The following HIBCH variants were observed in gnomAD, a reference collection of about 807,000 sequenced individuals.
HIBCH encodes 3-hydroxyisobutyryl-CoA hydrolase, mitochondrial.
In HIBCH, 50 loss-of-function variants were observed where a neutral mutation model predicts 58.2. The observed-to-expected ratio is 0.86, with a 90% CI of 0.68 to 1.09. The LOEUF (loss-of-function observed/expected upper bound fraction) is 1.09, where lower values mean the gene tolerates loss of function less well. Among genes scored for constraint, HIBCH ranks in the 50% least tolerant of loss-of-function variants. HIBCH has a pLI of 0.00. For missense variants in HIBCH, 450 were observed against 449.7 expected, an observed-to-expected ratio of 1.00 and a Z score of -0.01; for synonymous variants, 151 against 146.9, an observed-to-expected ratio of 1.03 and a Z score of -0.20.
At chr2:190,272,831 AT>A (rs1687438647) in intron 6 of HIBCH, among the ~76,000 whole-genome samples, 1 of 152,138 alleles carries the variant, frequency 6.6e-6, no homozygotes, top group African/African-American at 2.4e-5. Context: ...CAACTTAGAT[AT>A]CCCTGGGCTA....
At chr2:190,275,036 G>C (rs1229188291) in intron 6 of HIBCH, among the ~76,000 whole-genome samples, 1 of 152,102 alleles carries the variant, frequency 6.6e-6, no homozygotes, top group Non-Finnish European at 1.5e-5. Context: ...ATTTAGGGTG[G>C]CATATTGTGG....
chr2:190,191,345 AT>A (rs1689701332), intron 1 of HIBCH, among the ~76,000 whole-genome samples: 1 of 152,094 alleles, frequency 6.6e-6, no homozygotes, highest in Admixed American at 6.6e-5. Context: ...GAGTTTCACC[AT>A]GTTGGCCAGG....
chr2:190,273,073 T>G (rs566089374), intron 6 of HIBCH, among the ~76,000 whole-genome samples: 2 of 152,094 alleles, frequency 1.3e-5, no homozygotes, highest in African/African-American at 4.8e-5. Flanking sequence ...ACCCTGAAAT[T>G]TTACTATAAG....
At chr2:190,205,318 T>C (rs1056216011) in intron 13 of HIBCH, 86 bp from the exon 14 acceptor site, 12 of 754,212 alleles carry the variant, frequency 1.6e-5, no homozygotes, top group Admixed American at 1.2e-4. Flanking sequence ...GAAATTCTTA[T>C]ACTAGGCACA....
chr2:190,191,879 T>G (rs1689726367), intron 1 of HIBCH, among the ~76,000 whole-genome samples: 1 of 152,196 alleles, frequency 6.6e-6, no homozygotes, highest in Non-Finnish European at 1.5e-5. Context: ...GGCTAGATGA[T>G]GACTTGCAAA....
At chr2:190,273,704 TAAAA>T (rs34435266) in intron 6 of HIBCH, among the ~76,000 whole-genome samples, 10 of 151,566 alleles carry the variant, frequency 6.6e-5, no homozygotes, top group African/African-American at 1.5e-4. Context: ...CCAGTTTTTT[TAAAA>T]AAAAAAGAGA....
chr2:190,296,677 C>T, intron 3 of HIBCH, 136 bp downstream of exon 3: 1 of 817,206 alleles, frequency 1.2e-6, no homozygotes, highest in Non-Finnish European at 2.0e-6. Context: ...AGCACTGAAA[C>T]CTCAAGAATT....
chr2:190,244,171 G>A (rs75156123), intron 11 of HIBCH, among the ~76,000 whole-genome samples: 50 of 151,448 alleles, frequency 3.3e-4, no homozygotes, highest in Non-Finnish European at 5.9e-4. Flanking sequence ...ATATATATAC[G>A]AAAAATGCTA....
chr2:190,259,361 G>GTGTGTT (rs1044577129), intron 7 of HIBCH, among the ~76,000 whole-genome samples: 1 of 142,342 alleles, frequency 7.0e-6, no homozygotes, highest in Non-Finnish European at 1.5e-5. Flanking sequence ...GTGTGTGTGT[G>GTGTGTT]TGTGTGTCTG....
downstream of HIBCH, chr2:190,200,669 A>C (rs1690206618): frequency 5.9e-6 from 1 of 169,190 alleles, no homozygotes; most frequent in Admixed American, 6.3e-5. Flanking sequence ...GTCTTTAATA[A>C]GATAAGATAT....
In HIBCH at chr2:190,214,457, G is replaced by A. The variant is rs973806085; in HGVS notation, c.892-1382C>T. The A allele has an allele frequency of 6.6e-6, 1 of 152,170 alleles. No homozygotes were observed. The highest frequency in any genetic ancestry group is 1.5e-5 in the Non-Finnish European group (1 of 68,030). 9.4% of individuals were successfully genotyped at this position (152,170 alleles called of 1,614,324 possible). Reference sequence around the variant, plus strand: ...CAGATAGTCCCTTGGGGAGAATGTTGCAGGTTTGAATGGATAATCCCCAAA... The same window carrying A: ...CAGATAGTCCCTTGGGGAGAATGTTACAGGTTTGAATGGATAATCCCCAAA... On this transcript the variant is annotated intron_variant, in intron 11 of 13. Coordinates refer to ENST00000359678, the MANE Select transcript of HIBCH (RefSeq NM_014362.4). This position sits in a 1 kb window ranked among gnomAD's most constrained non-coding sequence, Gnocchi z 5.5.
At chr2:190,245,939 G>A (rs1050061103) in intron 10 of HIBCH, among the ~76,000 whole-genome samples, 4 of 148,124 alleles carry the variant, frequency 2.7e-5, no homozygotes, top group African/African-American at 1.0e-4. Context: ...GCAGTGAGCT[G>A]AGATTGCACC....
At chr2:190,272,591 A>T (rs1340434930) in intron 6 of HIBCH, among the ~76,000 whole-genome samples, 2 of 152,234 alleles carry the variant, frequency 1.3e-5, no homozygotes, top group South Asian at 4.2e-4. Flanking sequence ...GGGTGGTTTC[A>T]TATTACAAAT....
chr2:190,293,497 T>C (rs534262425), intron 4 of HIBCH, among the ~76,000 whole-genome samples: 5 of 152,134 alleles, frequency 3.3e-5, no homozygotes, highest in African/African-American at 4.8e-5. Context: ...AAAAAACGCA[T>C]GTTGTAGGCA....
intron 4 of HIBCH, 128 bp downstream of exon 4, chr2:190,294,410 TCCTAAGAA>T: frequency 1.5e-6 from 1 of 656,452 alleles, no homozygotes; most frequent in Non-Finnish European, 2.7e-6. Context: ...TTTTTCTTTT[TCCTAAGAA>T]TGTATTAACT....
intron 2 of HIBCH, among the ~76,000 whole-genome samples, chr2:190,307,482 G>T (rs183253389): frequency 6.1e-4 from 93 of 152,106 alleles, no homozygotes; most frequent in Middle Eastern, 3.4e-3. Flanking sequence ...GGCCAGTCTG[G>T]GCAACACAGA....
chr2:190,248,686 A>G (rs145409444), intron 9 of HIBCH, among the ~76,000 whole-genome samples: 2 of 151,732 alleles, frequency 1.3e-5, no homozygotes, highest in Non-Finnish European at 2.9e-5. Context: ...ACATGGTGAA[A>G]CCCTGTCTCT....
intron 1 of HIBCH, 79 bp downstream of exon 1, chr2:190,319,636 AG>A (rs1486447943): frequency 1.6e-6 from 2 of 1,221,272 alleles, no homozygotes; most frequent in Non-Finnish European, 2.4e-6. Flanking sequence ...CGAGGCCAGC[AG>A]TCTCCACCCC....
chr2:190,311,896 G>C (rs1203709929), intron 1 of HIBCH, among the ~76,000 whole-genome samples: 1 of 152,148 alleles, frequency 6.6e-6, no homozygotes, highest in Non-Finnish European at 1.5e-5. Context: ...TACAAAGCCT[G>C]AGACACAGCT....
Sources: allele counts gnomAD v4.1 joint callset (sites outside exome capture counted in the v4.1 genomes callset), GRCh38; gene constraint gnomAD v4.1.1; non-coding constraint Gnocchi (gnomAD v3.1); transcripts MANE v1.5; gene names NCBI Gene and HGNC (gene_info 2026-07-23, HGNC 2026-07-21).